The following IWS1 variants were observed in gnomAD, a reference collection of about 807,000 sequenced individuals.
IWS1 encodes protein IWS1 homolog.
Under a neutral mutation model 86.7 loss-of-function variants are expected in IWS1, and 27 were observed. That is an observed-to-expected ratio of 0.31 (90% confidence interval 0.23 to 0.43). The LOEUF (loss-of-function observed/expected upper bound fraction) is 0.43, where lower values mean the gene tolerates loss of function less well. Among genes scored for constraint, IWS1 ranks in the 20% least tolerant of loss-of-function variants. The pLI is 1.00. For missense variants in IWS1, 827 were observed against 1,000.8 expected (o/e 0.83, Z 2.34); for synonymous variants, 313 against 335.1 (o/e 0.93, Z 0.72).
At chr2:127,508,158 A>AT (rs1691244571) in intron 2 of IWS1, among the ~76,000 whole-genome samples, 1 of 152,230 alleles carries the variant, frequency 6.6e-6, no homozygotes, top group African/African-American at 2.4e-5. Flanking sequence ...ACAAGAATGT[A>AT]TTTCATGTCT....
intron 6 of IWS1, 112 bp downstream of exon 6, chr2:127,498,028 G>A: frequency 2.7e-6 from 2 of 741,416 alleles, no homozygotes; most frequent in Non-Finnish European, 4.5e-6. Flanking sequence ...AACAGGAATA[G>A]ACCCACTCCT....
chr2:127,497,209 C>T (rs959308374), intron 6 of IWS1, among the ~76,000 whole-genome samples: 9 of 152,190 alleles, frequency 5.9e-5, no homozygotes, highest in African/African-American at 2.2e-4. Flanking sequence ...GTTATATATA[C>T]ACATATAAAT....
intron 10 of IWS1, among the ~76,000 whole-genome samples, chr2:127,491,553 C>T (rs1048330791): frequency 2.0e-5 from 3 of 152,170 alleles, no homozygotes; most frequent in Admixed American, 6.5e-5. Flanking sequence ...AAGTGATTCT[C>T]CTGCCTCAGC....
At chr2:127,486,097 A>G (rs1469251742) in intron 13 of IWS1, 1 of 156,368 alleles carries the variant, frequency 6.4e-6, no homozygotes, top group Non-Finnish European at 1.4e-5. Flanking sequence ...AGATCCACTG[A>G]GCAGTATTTA....
At chr2:127,484,243 C>G (rs958829619) in intron 13 of IWS1, among the ~76,000 whole-genome samples, 1 of 152,146 alleles carries the variant, frequency 6.6e-6, no homozygotes, top group Admixed American at 6.5e-5. Context: ...ACCCGGGAGG[C>G]AGAGCTTGCA....
chr2:127,501,713 C>A (rs1418893506), intron 5 of IWS1: 2 of 147,220 alleles, frequency 1.4e-5, no homozygotes, highest in Non-Finnish European at 3.0e-5. Flanking sequence ...GTTTTCCCCA[C>A]CCCCTCCCAC....
At chr2:127,503,808 G>A (rs1031879119) in intron 3 of IWS1, among the ~76,000 whole-genome samples, 1 of 151,970 alleles carries the variant, frequency 6.6e-6, no homozygotes, top group Non-Finnish European at 1.5e-5. Flanking sequence ...TTTTGCTTAA[G>A]AAAAACTGGC....
At chr2:127,522,687 A>T (rs1209805679) in intron 2 of IWS1, among the ~76,000 whole-genome samples, 1 of 152,262 alleles carries the variant, frequency 6.6e-6, no homozygotes, top group East Asian at 1.9e-4. Context: ...AAGGCATAGA[A>T]AGTTCTTAAA....
intron 8 of IWS1, among the ~76,000 whole-genome samples, chr2:127,493,929 A>G (rs981312980): frequency 1.3e-5 from 2 of 152,092 alleles, no homozygotes; most frequent in African/African-American, 4.8e-5. Context: ...AACATTATAT[A>G]CATAAAACCT....
chr2:127,503,878 G>A (rs1690956126), intron 3 of IWS1, among the ~76,000 whole-genome samples: 2 of 152,008 alleles, frequency 1.3e-5, no homozygotes, highest in African/African-American at 4.8e-5. Flanking sequence ...TTGGGAAATC[G>A]AGAAAATTAA....
At chr2:127,496,952 C>T (rs1255570391) in intron 6 of IWS1, among the ~76,000 whole-genome samples, 2 of 152,218 alleles carry the variant, frequency 1.3e-5, no homozygotes, top group Non-Finnish European at 2.9e-5. Flanking sequence ...CTACAGCATT[C>T]AGTACAATAA....
Position 127,503,492 on chromosome 2 carries a change from G to T in IWS1, c.1304C>A (p.Thr435Asn). 1 of 1,613,254 alleles carries T rather than the reference G, an allele frequency of 6.2e-7. No homozygotes were observed. The highest frequency in any genetic ancestry group is 1.1e-5 in the South Asian group (1 of 90,996). The change falls in exon 4 of 14, where the codon ACC becomes AAC. Residue 435 changes from threonine (T) to asparagine (N), a missense_variant. Physicochemically the swap from Thr to Asn is moderately conservative, Grantham distance 65. This residue lies in a region of IWS1 where 548 missense variants were observed against 560.2 expected (regional missense o/e 0.98). Coordinates refer to ENST00000295321, the MANE Select transcript of IWS1 (RefSeq NM_017969.3). ...VSDKSGKREK[T>N]IASDSEEEAG... The stretch of plus-strand genomic sequence containing the variant: ...TTCTTCCTCACTGTCAGATGCTATG[G>T]TCTTCTCTCTTTTGCCTGACTTGTC...
chr2:127,509,707 CAAAAAAA>C (rs34526019), intron 2 of IWS1, among the ~76,000 whole-genome samples: 26 of 55,480 alleles, frequency 4.7e-4, no homozygotes, highest in Admixed American at 2.4e-3. Context: ...CACTCCATCT[CAAAAAAA>C]AAAAAAAAAA....
At chr2:127,490,353 C>G (rs1690159791) in intron 10 of IWS1, among the ~76,000 whole-genome samples, 2 of 152,282 alleles carry the variant, frequency 1.3e-5, no homozygotes, top group South Asian at 4.1e-4. Flanking sequence ...AGAACAAACT[C>G]CTTTACAACT....
chr2:127,520,451 G>A (rs1051686268), intron 2 of IWS1, among the ~76,000 whole-genome samples: 8 of 152,184 alleles, frequency 5.3e-5, no homozygotes, highest in Non-Finnish European at 8.8e-5. Flanking sequence ...ACAGGCAAGG[G>A]CCACCACGCC....
intron 2 of IWS1, among the ~76,000 whole-genome samples, chr2:127,517,219 G>T (rs897104756): frequency 6.6e-6 from 1 of 152,098 alleles, no homozygotes; most frequent in African/African-American, 2.4e-5. Context: ...CAGAATCCCA[G>T]CTAACTTCTC....
At position 127,480,973 on chromosome 2, in the gene IWS1, A is replaced by G. The variant is rs1241697867; in HGVS notation, c.*71T>C. ...TACAGACACACTAAAAATGTTTTAA[A>G]ATATCTTCTTTCTCCAAAGAGTCCA... On this transcript the variant is annotated 3_prime_UTR_variant, in exon 14 of 14. Coordinates refer to ENST00000295321, the MANE Select transcript of IWS1 (RefSeq NM_017969.3). 5 of 1,512,998 alleles carry G rather than the reference A, an allele frequency of 3.3e-6. No homozygotes were observed. The Admixed American group carries it at 1.1e-4, about 33-fold the overall frequency. 93.7% of individuals were successfully genotyped at this position (1,512,998 alleles called of 1,614,324 possible). A position where few individuals can be genotyped will look rare whatever the true frequency, so the allele number is the denominator to read the frequency against.
Position 127,505,397 on chromosome 2 carries a change from G to T in IWS1, c.506C>A (p.Ala169Asp). Residue 169 changes from alanine to aspartate, a missense_variant, in exon 3 of 14, where the codon GCT becomes GAT. Ala to Asp is a moderately radical substitution (Grantham distance 126). Coordinates refer to ENST00000295321, the MANE Select transcript of IWS1 (RefSeq NM_017969.3). The surrounding 1 kb of genome is among the most constrained non-coding windows in gnomAD (Gnocchi z 5.0). ...SEIEELQKSP[A>D]SDSETEDALK... Reference sequence around the variant, plus strand: ...AGCATCTTCTGTTTCAGAGTCACTAGCAGGACTCTTCTGGAGCTCCTCAAT... The same window carrying T: ...AGCATCTTCTGTTTCAGAGTCACTATCAGGACTCTTCTGGAGCTCCTCAAT... 6.2e-7 allele frequency: 1 copy of T among 1,613,880 alleles called. No homozygotes were observed. The highest frequency in any genetic ancestry group is 8.5e-7 in the Non-Finnish European group (1 of 1,179,774).
intron 5 of IWS1, among the ~76,000 whole-genome samples, chr2:127,500,788 TTC>T (rs1690759136): frequency 6.6e-6 from 1 of 152,204 alleles, no homozygotes; most frequent in African/African-American, 2.4e-5. Context: ...TGTCCTATAG[TTC>T]TTTCTCTTTT....
Sources: gnomAD v4.1 joint callset for allele counts (sites outside exome capture counted in the v4.1 genomes callset) on GRCh38, gnomAD v4.1.1 for gene constraint, gnomAD v4.1.1 regional missense constraint, Gnocchi (gnomAD v3.1) non-coding constraint, MANE v1.5 for transcripts, NCBI Gene and HGNC (gene_info 2026-07-23, HGNC 2026-07-21) for gene names.